ROBO2: variants seen among roughly 807,000 people sequenced by gnomAD.
ROBO2 encodes roundabout guidance receptor 2.
Under a neutral mutation model 160.8 loss-of-function variants are expected in ROBO2, and 53 were observed. The ratio of observed to expected loss-of-function variants is 0.33; its 90% CI spans 0.26 to 0.41. The LOEUF (loss-of-function observed/expected upper bound fraction) is 0.41, where lower values mean the gene tolerates loss of function less well. Ranked by LOEUF, ROBO2 falls within the 10% of genes least tolerant of loss-of-function variation. The pLI is 1.00. For missense variants in ROBO2, 1,577 were observed against 1,722.4 expected, an observed-to-expected ratio of 0.92 and a Z score of 1.49; for synonymous variants, 664 against 611.7, an observed-to-expected ratio of 1.09 and a Z score of -1.26.
intron 1 of ROBO2, among the ~76,000 whole-genome samples, chr3:75,935,044 A>G (rs1361107403): frequency 1.3e-5 from 2 of 152,148 alleles, no homozygotes; most frequent in African/African-American, 2.4e-5. Flanking sequence ...AAGAATGTAT[A>G]TAGGCCAGGC....
chr3:77,033,408 TA>T (rs1462527432), intron 2 of ROBO2, among the ~76,000 whole-genome samples: 1 of 152,178 alleles, frequency 6.6e-6, no homozygotes, highest in Non-Finnish European at 1.5e-5. Context: ...TTTGATAGTT[TA>T]AACATGACTC....
At chr3:77,242,222 A>T (rs1009729905) in intron 2 of ROBO2, among the ~76,000 whole-genome samples, 1 of 152,136 alleles carries the variant, frequency 6.6e-6, no homozygotes, top group African/African-American at 2.4e-5. Context: ...AGAATTTAAG[A>T]ATTTAAAATG....
intron 2 of ROBO2, among the ~76,000 whole-genome samples, chr3:77,467,886 C>T (rs565675778): frequency 6.6e-6 from 1 of 152,318 alleles, no homozygotes; most frequent in South Asian, 2.1e-4. Flanking sequence ...TGCTGAAAGA[C>T]AGTTGCCTGT....
intron 2 of ROBO2, among the ~76,000 whole-genome samples, chr3:76,315,615 GAA>G (rs999493178): frequency 6.6e-6 from 1 of 152,072 alleles, no homozygotes; most frequent in African/African-American, 2.4e-5. Context: ...TAAAAGTTAA[GAA>G]AAAATTATTA....
rs34448372 is a variant in ROBO2 at position 77,432,290 on chromosome 3, A to G, written c.389-45124A>G. Reference sequence around the variant, plus strand: ...GGGCTTATTTTTCCTTTAATCCTATATTAATAAAGTGAATTCTGTATGGGT... The same window carrying G: ...GGGCTTATTTTTCCTTTAATCCTATGTTAATAAAGTGAATTCTGTATGGGT... On this transcript the variant is annotated intron_variant, in intron 2 of 25. Coordinates refer to ENST00000461745, the Ensembl canonical transcript of ROBO2. Among the ~76,000 whole-genome samples, 586 of 152,332 alleles carry G rather than the reference A, an allele frequency of 3.8e-3. 3 individuals are homozygous for G. Among genetic ancestry groups the G allele is most frequent in the Middle Eastern group, 0.02 (6 of 294 alleles).
chr3:77,266,017 G>A (rs1434914130), intron 2 of ROBO2, among the ~76,000 whole-genome samples: 2 of 152,000 alleles, frequency 1.3e-5, no homozygotes, highest in Non-Finnish European at 2.9e-5. Context: ...TACGTATTTG[G>A]TAAGATATGC....
At chr3:75,983,391 T>C (rs2065331172) in intron 2 of ROBO2, among the ~76,000 whole-genome samples, 1 of 151,552 alleles carries the variant, frequency 6.6e-6, no homozygotes, top group South Asian at 2.1e-4. Flanking sequence ...CAATGAAATG[T>C]GTAAAACCAT....
chr3:77,562,318 T>C (rs549802220), intron 9 of ROBO2, among the ~76,000 whole-genome samples: 5 of 152,194 alleles, frequency 3.3e-5, no homozygotes, highest in Admixed American at 2.6e-4. Flanking sequence ...CATAAACAAC[T>C]TAGATATAGT....
At chr3:76,806,218 T>C in intron 2 of ROBO2, among the ~76,000 whole-genome samples, 1 of 149,968 alleles carries the variant, frequency 6.7e-6, no homozygotes, top group East Asian at 2.0e-4. Flanking sequence ...TGTGTGCGTG[T>C]GTGTGTGTGT....
intron 2 of ROBO2, among the ~76,000 whole-genome samples, chr3:76,955,356 G>A (rs1240866814): frequency 1.3e-5 from 2 of 152,040 alleles, no homozygotes; most frequent in African/African-American, 4.8e-5. Flanking sequence ...CCTCTTTTCA[G>A]TTCTTTTGGG....
At chr3:77,239,431 C>T (rs989981972) in intron 2 of ROBO2, among the ~76,000 whole-genome samples, 9 of 152,242 alleles carry the variant, frequency 5.9e-5, no homozygotes, top group Non-Finnish European at 8.8e-5. Flanking sequence ...AAAGGCAGTG[C>T]GGACCCAAAG....
intron 2 of ROBO2, among the ~76,000 whole-genome samples, chr3:76,935,625 G>A (rs1429166109): frequency 2.6e-5 from 4 of 152,154 alleles, no homozygotes; most frequent in African/African-American, 9.6e-5. Flanking sequence ...AGGCTGAGAA[G>A]TCCAAGATCA....
At chr3:77,043,378 TA>T (rs1309609712) in intron 1 of ROBO2, among the ~76,000 whole-genome samples, 1 of 152,222 alleles carries the variant, frequency 6.6e-6, no homozygotes. Flanking sequence ...TTTGCATTGA[TA>T]TTTGCTTGGT....
At chr3:76,048,085 C>T (rs1010002725) in intron 2 of ROBO2, among the ~76,000 whole-genome samples, 1 of 152,108 alleles carries the variant, frequency 6.6e-6, no homozygotes, top group Non-Finnish European at 1.5e-5. Flanking sequence ...TATATTATCT[C>T]ATTTAGTCAT....
intron 2 of ROBO2, among the ~76,000 whole-genome samples, chr3:76,017,941 T>C (rs1576499687): frequency 1.3e-5 from 2 of 152,190 alleles, no homozygotes; most frequent in African/African-American, 4.8e-5. Context: ...AAATGTTTTG[T>C]TAGATTTTCT....
chr3:77,028,091 C>T (rs1395885627), intron 2 of ROBO2, among the ~76,000 whole-genome samples: 2 of 151,974 alleles, frequency 1.3e-5, no homozygotes, highest in African/African-American at 2.4e-5. Context: ...CATTTCCTTA[C>T]TCCTCTTCAT....
intron 2 of ROBO2, among the ~76,000 whole-genome samples, chr3:77,327,002 T>C (rs1324665587): frequency 3.3e-5 from 5 of 152,230 alleles, no homozygotes; most frequent in Non-Finnish European, 5.9e-5. Flanking sequence ...ACACTTCATA[T>C]AATATTAATA....
intron 2 of ROBO2, among the ~76,000 whole-genome samples, chr3:77,470,672 C>T (rs376393139): frequency 4.6e-5 from 7 of 152,116 alleles, no homozygotes; most frequent in African/African-American, 1.7e-4. Context: ...CTAAAAAATT[C>T]TTACTGAAAA....
chr3:77,369,304 G>A (rs538680070), intron 2 of ROBO2, among the ~76,000 whole-genome samples: 1 of 152,258 alleles, frequency 6.6e-6, no homozygotes, highest in African/African-American at 2.4e-5. Context: ...TCATGCATCT[G>A]TCCCCTGAAT....
Sources: allele counts gnomAD v4.1 joint callset (sites outside exome capture counted in the v4.1 genomes callset), GRCh38; gene constraint gnomAD v4.1.1; transcripts MANE v1.5; gene names NCBI Gene and HGNC (gene_info 2026-07-23, HGNC 2026-07-21).